HHAT: variants seen among roughly 807,000 people sequenced by gnomAD.
The protein encoded by HHAT is protein-cysteine N-palmitoyltransferase HHAT.
Under a neutral mutation model 70.8 loss-of-function variants are expected in HHAT, and 47 were observed. The ratio of observed to expected loss-of-function variants is 0.66; its 90% CI spans 0.53 to 0.85. The LOEUF is 0.85. Among genes scored for constraint, HHAT ranks in the 40% least tolerant of loss-of-function variants. The pLI, the probability that HHAT is intolerant of heterozygous loss-of-function variation, is 0.00. For missense variants in HHAT, 609 were observed against 604.8 expected, an observed-to-expected ratio of 1.01 and a Z score of -0.07; for synonymous variants, 228 against 247.6, an observed-to-expected ratio of 0.92 and a Z score of 0.74.
chr1:210,401,253 A>G (rs1448410245), intron 5 of HHAT, among the ~76,000 whole-genome samples: 1 of 152,132 alleles, frequency 6.6e-6, no homozygotes, highest in Non-Finnish European at 1.5e-5. Flanking sequence ...TGGGTGGGAT[A>G]TAGGTACCTG....
chr1:210,638,383 A>G (rs1191896848), intron 11 of HHAT, among the ~76,000 whole-genome samples: 4 of 152,234 alleles, frequency 2.6e-5, no homozygotes, highest in Non-Finnish European at 5.9e-5. Flanking sequence ...TACAACATGG[A>G]TGAACCTTGG....
At chr1:210,512,685 A>C (rs1400846634) in intron 8 of HHAT, among the ~76,000 whole-genome samples, 1 of 151,606 alleles carries the variant, frequency 6.6e-6, no homozygotes, top group Non-Finnish European at 1.5e-5. Context: ...AAAAAAAAAA[A>C]AAAAACCCAT....
At position 210,384,548 on chromosome 1, in the gene HHAT, A is replaced by G. The variant is rs569349144; in HGVS notation, c.160-2920A>G. Among the ~76,000 whole-genome samples the G allele has an allele frequency of 9.2e-5, 14 of 152,346 alleles. No homozygotes were observed. The South Asian group carries it at 2.7e-3, about 29-fold the overall frequency. On this transcript the variant is annotated intron_variant, in intron 3 of 11. Coordinates refer to ENST00000261458, the MANE Select transcript of HHAT (RefSeq NM_018194.6). Reference sequence around the variant, plus strand: ...CAGAATCTGCATTTTAGCAAGATGCATAGGTGGCTTGTGTCCACTTTGAGG... The same window carrying G: ...CAGAATCTGCATTTTAGCAAGATGCGTAGGTGGCTTGTGTCCACTTTGAGG...
intron 10 of HHAT, among the ~76,000 whole-genome samples, chr1:210,615,668 A>G (rs940359680): frequency 3.3e-5 from 5 of 152,252 alleles, no homozygotes; most frequent in African/African-American, 1.2e-4. Context: ...CAGGACCCTC[A>G]GCTGCAGGTC....
chr1:210,355,750 A>G (rs2087543086), intron 2 of HHAT, among the ~76,000 whole-genome samples: 1 of 152,180 alleles, frequency 6.6e-6, no homozygotes, highest in Non-Finnish European at 1.5e-5. Flanking sequence ...GAACTGTTAA[A>G]GTAGTATATG....
intron 8 of HHAT, among the ~76,000 whole-genome samples, chr1:210,491,152 G>A (rs1018949652): frequency 4.0e-5 from 6 of 151,844 alleles, no homozygotes; most frequent in Admixed American, 6.6e-5. Flanking sequence ...GTGCTGCTAA[G>A]TCCTCTGAGA....
At chr1:210,350,252 G>C (rs2086895251) in intron 2 of HHAT, among the ~76,000 whole-genome samples, 1 of 152,184 alleles carries the variant, frequency 6.6e-6, no homozygotes, top group African/African-American at 2.4e-5. Context: ...AAAATTGGAA[G>C]CAATCAAGAT....
intron 6 of HHAT, among the ~76,000 whole-genome samples, chr1:210,414,232 A>G (rs1006611923): frequency 3.3e-5 from 5 of 152,140 alleles, no homozygotes; most frequent in African/African-American, 1.2e-4. Flanking sequence ...TGATGACAGC[A>G]CTAATCCTAA....
chr1:210,358,244 A>C (rs918150852), intron 2 of HHAT, among the ~76,000 whole-genome samples: 1 of 152,156 alleles, frequency 6.6e-6, no homozygotes, highest in Admixed American at 6.5e-5. Flanking sequence ...GGGTGCTTCT[A>C]CTTCTCCCAG....
intron 9 of HHAT, among the ~76,000 whole-genome samples, chr1:210,529,986 A>G (rs1558099539): frequency 6.6e-6 from 1 of 152,206 alleles, no homozygotes; most frequent in East Asian, 1.9e-4. Context: ...AAAGGCAGTA[A>G]TTCATTCTGT....
intron 2 of HHAT, among the ~76,000 whole-genome samples, chr1:210,359,470 C>G (rs1036572910): frequency 1.3e-5 from 2 of 152,148 alleles, no homozygotes; most frequent in Non-Finnish European, 2.9e-5. Context: ...CTGGAGAGAT[C>G]AGCTGGTGCC....
At chr1:210,357,612 G>T (rs1002236217) in intron 2 of HHAT, among the ~76,000 whole-genome samples, 1 of 152,176 alleles carries the variant, frequency 6.6e-6, no homozygotes, top group Non-Finnish European at 1.5e-5. Flanking sequence ...ATGAGGTCAG[G>T]AGATCAAGAC....
intron 3 of HHAT, among the ~76,000 whole-genome samples, chr1:210,370,414 C>G (rs949308829): frequency 1.3e-5 from 2 of 151,706 alleles, no homozygotes; most frequent in African/African-American, 4.9e-5. Flanking sequence ...ACCTCATGAT[C>G]CACCCATCTT....
chr1:210,634,758 C>T (rs937848849), intron 11 of HHAT, among the ~76,000 whole-genome samples: 16 of 152,276 alleles, frequency 1.1e-4, no homozygotes, highest in East Asian at 5.8e-4. Context: ...TTTATGACCG[C>T]GCTTTAAGAT....
upstream of HHAT, among the ~76,000 whole-genome samples, chr1:210,327,530 G>A (rs1361015695): frequency 6.6e-6 from 1 of 152,102 alleles, no homozygotes; most frequent in Non-Finnish European, 1.5e-5. Context: ...TTTTGAGACA[G>A]AGTCCGGCTC....
At chr1:210,357,700 G>A (rs1383477510) in intron 2 of HHAT, among the ~76,000 whole-genome samples, 1 of 152,106 alleles carries the variant, frequency 6.6e-6, no homozygotes, top group Non-Finnish European at 1.5e-5. Context: ...GGCGCCTGTA[G>A]TCCCAGCTAC....
intron 7 of HHAT, among the ~76,000 whole-genome samples, chr1:210,438,202 A>C (rs1282903182): frequency 6.7e-6 from 1 of 149,922 alleles, no homozygotes; most frequent in Non-Finnish European, 1.5e-5. Context: ...GTGTATACAC[A>C]TGTGTATGTA....
chr1:210,588,093 C>T lies in HHAT; in HGVS notation c.1239C>T (p.Asp413=). The change falls in exon 10 of 12, where the codon GAC becomes GAT. Residue 413 remains aspartate (D), a synonymous_variant. Coordinates refer to ENST00000261458, the MANE Select transcript of HHAT (RefSeq NM_018194.6). ...TGGTGGAGACTCCCTGCATCCAGGA[C>T]AGTCTGGTGAGCAGGATCCTTGCTG... is the stretch of plus-strand genomic sequence containing the variant. ...RRLVETPCIQ[D]SLARYFSPQA... 6.2e-7 allele frequency: 1 copy of T among 1,602,552 alleles called. No homozygotes were observed. The highest frequency in any genetic ancestry group is 2.2e-5 in the East Asian group (1 of 44,636).
chr1:210,429,112 A>G (rs949630631), intron 7 of HHAT, among the ~76,000 whole-genome samples: 1 of 151,852 alleles, frequency 6.6e-6, no homozygotes, highest in African/African-American at 2.4e-5. Context: ...CTTTTCCCCA[A>G]TTCTTATGAG....
Sources: gnomAD v4.1 joint callset for allele counts (sites outside exome capture counted in the v4.1 genomes callset) on GRCh38, gnomAD v4.1.1 for gene constraint, MANE v1.5 for transcripts, NCBI Gene and HGNC (gene_info 2026-07-23, HGNC 2026-07-21) for gene names.